PRKAR1B: variants seen among roughly 807,000 people sequenced by gnomAD.
PRKAR1B encodes protein kinase cAMP-dependent type I regulatory subunit beta.
PRKAR1B carries 22 observed loss-of-function variants against 46.5 expected under a neutral mutation model. The observed-to-expected ratio is 0.47, with a 90% confidence interval of 0.34 to 0.68. The LOEUF (loss-of-function observed/expected upper bound fraction) is 0.68, where lower values mean the gene tolerates loss of function less well. Among genes scored for constraint, PRKAR1B ranks in the 30% least tolerant of loss-of-function variants. The probability of loss-of-function intolerance (pLI) is 0.01; values close to 1 mark genes in which losing one functional copy is unlikely to be tolerated. For synonymous variants in PRKAR1B, 259 were observed against 217.7 expected (o/e 1.19, Z -1.67); for missense variants, 445 against 535.6 (o/e 0.83, Z 1.67).
intron 2 of PRKAR1B, among the ~76,000 whole-genome samples, chr7:683,021 C>T (rs563333945): frequency 3.0e-4 from 45 of 152,170 alleles, no homozygotes; most frequent in Non-Finnish European, 5.4e-4. Flanking sequence ...GGGAGCTTCC[C>T]GAAAAAAGAT....
At chr7:673,805 G>A (rs1157061844) in intron 4 of PRKAR1B, among the ~76,000 whole-genome samples, 1 of 152,238 alleles carries the variant, frequency 6.6e-6, no homozygotes, top group Non-Finnish European at 1.5e-5. Flanking sequence ...CGTCTCTGCA[G>A]TTCTGGGGCC....
Position 584,488 on chromosome 7 carries a change from G to A in PRKAR1B, c.769+20C>T. The A allele has an allele frequency of 1.2e-6, 2 of 1,610,822 alleles. No individual in the cohort carries two copies. Among genetic ancestry groups the A allele is most frequent in the Non-Finnish European group, 8.5e-7 (1 of 1,177,436 alleles). The stretch of plus-strand genomic sequence containing the variant: ...CCCAGATGTCGGGACACACAGCCGT[G>A]CAGGGGCGCAGCCACTGACCTAGGA... On this transcript the variant is annotated intron_variant, in intron 8 of 10. Coordinates refer to ENST00000537384, the MANE Select transcript of PRKAR1B (RefSeq NM_001164760.2).
chr7:590,633 G>C (rs969917372), intron 7 of PRKAR1B, among the ~76,000 whole-genome samples: 1 of 152,184 alleles, frequency 6.6e-6, no homozygotes, highest in African/African-American at 2.4e-5. Flanking sequence ...ATCAGCTCTG[G>C]GTCAGAGCAG....
At chr7:570,176 G>A (rs991367375) in intron 9 of PRKAR1B, among the ~76,000 whole-genome samples, 1 of 152,198 alleles carries the variant, frequency 6.6e-6, no homozygotes, top group Non-Finnish European at 1.5e-5. Context: ...GAGGGAGGAC[G>A]CGCGGCCGGT....
At chr7:683,716 T>C (rs1167564729) in intron 2 of PRKAR1B, among the ~76,000 whole-genome samples, 1 of 152,166 alleles carries the variant, frequency 6.6e-6, no homozygotes, top group African/African-American at 2.4e-5. Flanking sequence ...CCCTGACCAA[T>C]ACCGGCCTCA....
At chr7:682,273 C>G (rs908185628) in intron 2 of PRKAR1B, among the ~76,000 whole-genome samples, 2 of 152,190 alleles carry the variant, frequency 1.3e-5, no homozygotes, top group Non-Finnish European at 2.9e-5. Flanking sequence ...AATGAAGACA[C>G]ATGTCCCTGG....
chr7:696,554 G>T (rs140546526), intron 2 of PRKAR1B, among the ~76,000 whole-genome samples: 5,095 of 152,228 alleles, frequency 0.033, 326 homozygotes, highest in African/African-American at 0.12. Context: ...GATGACAGGT[G>T]TGAGCCACCG....
chr7:632,360 G>A (rs1171717036), intron 4 of PRKAR1B, among the ~76,000 whole-genome samples: 2 of 152,128 alleles, frequency 1.3e-5, no homozygotes, highest in African/African-American at 2.4e-5. Flanking sequence ...ACCCGGACTC[G>A]AGACGAATCC....
chr7:675,273 G>A (rs546364317), intron 4 of PRKAR1B, among the ~76,000 whole-genome samples: 17 of 152,342 alleles, frequency 1.1e-4, no homozygotes, highest in African/African-American at 2.4e-4. Context: ...CATCACTGGC[G>A]AGGAGCACAG....
At chr7:636,328 G>A (rs1300928866) in intron 4 of PRKAR1B, among the ~76,000 whole-genome samples, 1 of 9,740 alleles carries the variant, frequency 1.0e-4, no homozygotes, top group Non-Finnish European at 2.0e-4. Flanking sequence ...GCGCCCACAC[G>A]TCCTCCACCG....
chr7:706,363 C>T (rs1037134248), intron 2 of PRKAR1B, among the ~76,000 whole-genome samples: 5 of 87,576 alleles, frequency 5.7e-5, no homozygotes, highest in African/African-American at 2.2e-4. Flanking sequence ...GGATAATCTT[C>T]GGAAAGATCA....
intron 7 of PRKAR1B, among the ~76,000 whole-genome samples, chr7:590,814 C>T (rs946568676): frequency 1.3e-5 from 2 of 152,134 alleles, no homozygotes; most frequent in Admixed American, 1.3e-4. Context: ...CTTCTCCACC[C>T]GCTGCGGGTG....
intron 2 of PRKAR1B, among the ~76,000 whole-genome samples, chr7:684,494 CAA>C (rs1778893456): frequency 6.6e-6 from 1 of 152,182 alleles, no homozygotes; most frequent in Admixed American, 6.5e-5. Context: ...GGAAAACAGA[CAA>C]TGACCTGAAG....
chr7:650,454 C>T (rs757455338), intron 4 of PRKAR1B, among the ~76,000 whole-genome samples: 5 of 152,154 alleles, frequency 3.3e-5, no homozygotes, highest in Non-Finnish European at 7.3e-5. Flanking sequence ...TTCACACCGG[C>T]TGCACCTCCG....
rs142133767 is a variant in PRKAR1B, at chr7:688,266, G to A, written c.178-7540C>T. 2.4e-3 allele frequency among the ~76,000 whole-genome samples: 366 copies of A among 151,946 alleles called. 1 individual carries two copies. The highest frequency in any genetic ancestry group is 8.2e-3 in the African/African-American group (338 of 41,458). ...AAAAATACAAAAAAAGTAGCTGGGC[G>A]TGGTGGCATGTGCCTGTAATCCCAG... On this transcript the variant is annotated intron_variant, in intron 2 of 10. Coordinates refer to ENST00000537384, the MANE Select transcript of PRKAR1B (RefSeq NM_001164760.2).
intron 9 of PRKAR1B, chr7:578,860 T>G (rs890123028): frequency 8.8e-6 from 3 of 339,428 alleles, no homozygotes; most frequent in Non-Finnish European, 1.5e-5. Flanking sequence ...TTTTGTATTT[T>G]TAGTAGAGAC....
chr7:662,466 C>T (rs1785651643), intron 4 of PRKAR1B, among the ~76,000 whole-genome samples: 1 of 129,012 alleles, frequency 7.8e-6, no homozygotes, highest in Non-Finnish European at 1.6e-5. Flanking sequence ...CCCACCCCAA[C>T]GGGTCCAAAT....
intron 2 of PRKAR1B, among the ~76,000 whole-genome samples, chr7:685,984 T>C (rs1350394764): frequency 6.6e-6 from 1 of 152,090 alleles, no homozygotes; most frequent in African/African-American, 2.4e-5. Flanking sequence ...GCAGGGTGGA[T>C]ATGTGAAGAC....
rs564549354 is a variant in PRKAR1B at position 553,862 on chromosome 7, C to T, written c.892-2392G>A. Among the ~76,000 whole-genome samples, 56 of 152,386 alleles carry T rather than the reference C, an allele frequency of 3.7e-4. 1 individual carries two copies. In the South Asian group the frequency reaches 6.8e-3, roughly 19 times the overall value. Reference sequence around the variant, plus strand: ...CCCCTGATCCGGCCGTGGGGCCACTCGGCTCCCAGGCCTCTGCCGTGTTTA... The same window carrying T: ...CCCCTGATCCGGCCGTGGGGCCACTTGGCTCCCAGGCCTCTGCCGTGTTTA... On this transcript the variant is annotated intron_variant, in intron 9 of 10. Transcript: ENST00000537384.
Sources: allele counts gnomAD v4.1 joint callset (sites outside exome capture counted in the v4.1 genomes callset), GRCh38; gene constraint gnomAD v4.1.1; transcripts MANE v1.5; gene names NCBI Gene and HGNC (gene_info 2026-07-23, HGNC 2026-07-21).